The following CHST2 variants were observed in gnomAD, a reference collection of about 807,000 sequenced individuals.
CHST2 encodes N-acetylglucosamine 6-O-sulfotransferase 1.
In CHST2, 23 loss-of-function variants were observed where a neutral mutation model predicts 34.6. That is an observed-to-expected ratio of 0.67 (90% CI 0.48 to 0.94). The LOEUF (loss-of-function observed/expected upper bound fraction) is 0.94. Among genes scored for constraint, CHST2 ranks in the 40% least tolerant of loss-of-function variants. The pLI is 0.00. For synonymous variants in CHST2, 392 were observed against 343.1 expected (o/e 1.14, Z -1.58); for missense variants, 720 against 759.5 (o/e 0.95, Z 0.61).
Position 143,123,962 on chromosome 3 carries a change from C to G in CHST2, c.*1553C>G, listed in dbSNP as rs189064879. The G allele has an allele frequency of 3.2e-4, 49 of 152,292 alleles. No individual in the cohort carries two copies. Among genetic ancestry groups the G allele is most frequent in the African/African-American group, 1.1e-3 (47 of 41,550 alleles). The allele number at this position is 152,292 out of a possible 1,614,324, so 9.4% of individuals were successfully genotyped here. On this transcript the variant is annotated 3_prime_UTR_variant, in exon 2 of 2. Transcript: ENST00000309575. The stretch of plus-strand genomic sequence containing the variant: ...AGAAATTGTGAAGCCCAAATGGGAA[C>G]AAGAGACAGTGTAGTTGTATATGAC...
In CHST2 at chr3:143,121,353, C is replaced by G; in HGVS notation, c.537C>G (p.Phe179Leu). 1 of 1,613,630 alleles carries G rather than the reference C, an allele frequency of 6.2e-7. No individual in the cohort carries two copies. The highest frequency in any genetic ancestry group is 8.5e-7 in the Non-Finnish European group (1 of 1,180,022). The change falls in exon 2 of 2, where the codon TTC becomes TTG. Residue 179 changes from phenylalanine to leucine, a missense_variant. Physicochemically the swap from Phe to Leu is conservative, Grantham distance 22. This residue lies in a region of CHST2 where 43 missense variants were observed against 77.6 expected (regional missense o/e 0.55). Transcript: ENST00000309575. Reference protein sequence around the residue: ...VFTTWRSGSSFFGELFNQNPE... With the variant: ...VFTTWRSGSSLFGELFNQNPE... ...CCACGTGGCGCTCTGGCTCGTCGTT[C>G]TTCGGCGAGCTATTCAACCAGAATC...
rs1936189187 is a variant in CHST2, at chr3:143,120,357, C to T, written c.-358C>T. On this transcript the variant is annotated 5_prime_UTR_variant, in exon 1 of 2. Transcript: ENST00000309575. The surrounding 1 kb of genome is among the most constrained non-coding windows in gnomAD (Gnocchi z 4.1). ...CTGGGCCGCGTGAAAGTTTTTCTTC[C>T]CGAGCCGCAGGGCGCCCGCTGCCCG... 1 of 152,990 alleles carries T rather than the reference C, an allele frequency of 6.5e-6. No homozygotes were observed. Among genetic ancestry groups the T allele is most frequent in the East Asian group, 1.9e-4 (1 of 5,202 alleles). 9.5% of individuals were successfully genotyped at this position (152,990 alleles called of 1,614,324 possible).
rs779200403 is a variant in CHST2, at chr3:143,121,706, A to G, written c.890A>G (p.Lys297Arg). Residue 297 changes from lysine (K) to arginine (R), a missense_variant, in exon 2 of 2, where the codon AAG becomes AGG. Transcript: ENST00000309575. Reference protein sequence around the residue: ...RLARFEEECRKYRTLVIKGVR... With the variant: ...RLARFEEECRRYRTLVIKGVR... ...GCGCGTTTCGAGGAGGAGTGCCGCAAGTACCGCACACTAGTCATAAAGGGT... is the reference window on the plus strand; with the variant it reads ...GCGCGTTTCGAGGAGGAGTGCCGCAGGTACCGCACACTAGTCATAAAGGGT... 1.3e-6 allele frequency: 2 copies of G among 1,585,146 alleles called. No homozygotes were observed. The highest frequency in any genetic ancestry group is 1.7e-6 in the Non-Finnish European group (2 of 1,162,610).
chr3:143,121,959 G>A lies in CHST2; in HGVS notation c.1143G>A (p.Glu381=). ...GCCACAAGCTTGGCGCCAAGAAGGA[G>A]GGCGTGGGCGGCCCCGCAGACTACC... ...AAGHKLGAKK[E]GVGGPADYHA... Residue 381 remains glutamate (E), a synonymous_variant, in exon 2 of 2, where the codon GAG becomes GAA. Coordinates refer to ENST00000309575, the MANE Select transcript of CHST2 (RefSeq NM_004267.5). 6.3e-7 allele frequency: 1 copy of A among 1,584,312 alleles called. No individual in the cohort carries two copies. The highest frequency in any genetic ancestry group is 1.1e-5 in the South Asian group (1 of 87,248).
chr3:143,122,218 C>G lies in CHST2; in HGVS notation c.1402C>G (p.Pro468Ala), dbSNP rs757610184. ...CAGTGGCTCGGGCTCCTCCTCCAAG[C>G]CTTTCGTGGTATCTGCACGCAATGC... ...MTSGSGSSSK[P>A]FVVSARNATQ... Residue 468 changes from proline (P) to alanine (A), a missense_variant, in exon 2 of 2, where the codon CCT becomes GCT. Pro to Ala is a conservative substitution (Grantham distance 27). Coordinates refer to ENST00000309575, the MANE Select transcript of CHST2 (RefSeq NM_004267.5). The G allele has an allele frequency of 6.2e-7, 1 of 1,614,084 alleles. No homozygotes were observed. Among genetic ancestry groups the G allele is most frequent in the Non-Finnish European group, 8.5e-7 (1 of 1,179,986 alleles).
At position 143,122,202 on chromosome 3, in the gene CHST2, G is replaced by A; in HGVS notation, c.1386G>A (p.Ser462=). 1.9e-6 allele frequency: 3 copies of A among 1,612,862 alleles called. No homozygotes were observed. Among genetic ancestry groups the A allele is most frequent in the Non-Finnish European group, 1.7e-6 (2 of 1,179,832 alleles). ...TTGCCCTGAACATGACCAGTGGCTCGGGCTCCTCCTCCAAGCCTTTCGTGG... is the reference window on the plus strand; with the variant it reads ...TTGCCCTGAACATGACCAGTGGCTCAGGCTCCTCCTCCAAGCCTTTCGTGG... ...EQFALNMTSG[S]GSSSKPFVVS... is the part of the protein sequence containing the mutation. Residue 462 remains serine, a synonymous_variant, in exon 2 of 2, where the codon TCG becomes TCA. Coordinates refer to ENST00000309575, the MANE Select transcript of CHST2 (RefSeq NM_004267.5).
In CHST2 at chr3:143,122,517, TA is replaced by T. The variant is rs1412863385; in HGVS notation, c.*109del. The T allele has an allele frequency of 1.6e-5, 17 of 1,076,302 alleles. No homozygotes were observed. The Admixed American group carries it at 1.6e-4, about 10-fold the overall frequency. 66.7% of individuals were successfully genotyped at this position (1,076,302 alleles called of 1,614,324 possible). A position where few individuals can be genotyped will look rare whatever the true frequency, so the allele number is the denominator to read the frequency against. ...TCAAACGGAGGAAGCCCACATATTCTATTATAGATATATAAATAATCACACA... is the reference window on the plus strand; with the variant it reads ...TCAAACGGAGGAAGCCCACATATTCTTTATAGATATATAAATAATCACACA... On this transcript the variant is annotated 3_prime_UTR_variant, in exon 2 of 2. Transcript: ENST00000309575.
At position 143,120,864 on chromosome 3, in the gene CHST2, G is replaced by T; in HGVS notation, c.48G>T (p.Arg16=). 1 of 1,380,648 alleles carries T rather than the reference G, an allele frequency of 7.2e-7. No individual in the cohort carries two copies. 85.5% of individuals were successfully genotyped at this position (1,380,648 alleles called of 1,614,324 possible). ...QRALPPGALP[R]LLQAAPAAAP... ...CTCTGCCCCCGGGCGCGCTCCCTCG[G>T]CTGCTCCAGGCTGCGCCTGCAGCCG... Residue 16 remains arginine (R), a synonymous_variant, in exon 2 of 2, where the codon CGG becomes CGT. Transcript: ENST00000309575. This position sits in a 1 kb window ranked among gnomAD's most constrained non-coding sequence, Gnocchi z 4.1.
Position 143,122,503 on chromosome 3 carries a change from A to T in CHST2, c.*94A>T. The T allele has an allele frequency of 8.1e-7, 1 of 1,227,958 alleles. No individual in the cohort carries two copies. Among genetic ancestry groups the T allele is most frequent in the East Asian group, 2.6e-5 (1 of 38,538 alleles). 76.1% of individuals were successfully genotyped at this position (1,227,958 alleles called of 1,614,324 possible). On this transcript the variant is annotated 3_prime_UTR_variant, in exon 2 of 2. Coordinates refer to ENST00000309575, the MANE Select transcript of CHST2 (RefSeq NM_004267.5). Reference sequence around the variant, plus strand: ...AACACAGTCCAGACTCAAACGGAGGAAGCCCACATATTCTATTATAGATAT... The same window carrying T: ...AACACAGTCCAGACTCAAACGGAGGTAGCCCACATATTCTATTATAGATAT...
In CHST2 at chr3:143,122,720, G is replaced by C. The variant is rs75421180; in HGVS notation, c.*311G>C. The C allele has an allele frequency of 0.014, 3,427 of 244,492 alleles. 116 individuals carry two copies. Among genetic ancestry groups the C allele is most frequent in the African/African-American group, 0.071 (3,171 of 44,376 alleles). 15.1% of individuals were successfully genotyped at this position (244,492 alleles called of 1,614,324 possible). On this transcript the variant is annotated 3_prime_UTR_variant, in exon 2 of 2. Transcript: ENST00000309575. Reference sequence around the variant, plus strand: ...TCCTCCACCTGCCTTCCATTTTGAAGTGGGATGTTAATGAAATCAAGTTCC... The same window carrying C: ...TCCTCCACCTGCCTTCCATTTTGAACTGGGATGTTAATGAAATCAAGTTCC...
Position 143,120,422 on chromosome 3 carries a change from C to T in CHST2, c.-293C>T, listed in dbSNP as rs1268538396. 2 of 158,210 alleles carry T rather than the reference C, an allele frequency of 1.3e-5. No homozygotes were observed. Among genetic ancestry groups the T allele is most frequent in the African/African-American group, 4.8e-5 (2 of 41,740 alleles). The allele number at this position is 158,210 out of a possible 1,614,324, so 9.8% of individuals were successfully genotyped here. A position where few individuals can be genotyped will look rare whatever the true frequency, so the allele number is the denominator to read the frequency against. On this transcript the variant is annotated 5_prime_UTR_variant, in exon 1 of 2. Coordinates refer to ENST00000309575, the MANE Select transcript of CHST2 (RefSeq NM_004267.5). The surrounding 1 kb of genome is among the most constrained non-coding windows in gnomAD (Gnocchi z 4.1). ...ATAAGTCGGCCGACTCCCCAGACCC[C>T]TCGAAGGTGCGGGGACCCCCAGCGG...
chr3:143,120,892 C>T lies in CHST2; in HGVS notation c.76C>T (p.Pro26Ser). The T allele has an allele frequency of 6.7e-7, 1 of 1,486,468 alleles. No individual in the cohort carries two copies. The highest frequency in any genetic ancestry group is 8.9e-7 in the Non-Finnish European group (1 of 1,119,752). 92.1% of individuals were successfully genotyped at this position (1,486,468 alleles called of 1,614,324 possible). Reference sequence around the variant, plus strand: ...GCTCCAGGCTGCGCCTGCAGCCGCGCCGCGTGCCCTGCTCCCGCAGTGGCC... The same window carrying T: ...GCTCCAGGCTGCGCCTGCAGCCGCGTCGCGTGCCCTGCTCCCGCAGTGGCC... ...RLLQAAPAAA[P>S]RALLPQWPRR... The change falls in exon 2 of 2, where the codon CCG (proline) becomes TCG (serine). Residue 26 changes from proline (P) to serine (S), a missense_variant. Physicochemically the swap from Pro to Ser is moderately conservative, Grantham distance 74 (BLOSUM62 -1). Coordinates refer to ENST00000309575, the MANE Select transcript of CHST2 (RefSeq NM_004267.5). This position sits in a 1 kb window ranked among gnomAD's most constrained non-coding sequence, Gnocchi z 4.1.
In CHST2 at chr3:143,122,385, C is replaced by T. The variant is rs776513094; in HGVS notation, c.1569C>T (p.Thr523=). Residue 523 remains threonine (T), a synonymous_variant, in exon 2 of 2, where the codon ACC becomes ACT. Transcript: ENST00000309575. ...AGGAGGTCAAAGACCTCAGCAAGAC[C>T]CTGCTTCGGAAGCCCCGTCTCTAAA... The part of the protein sequence containing the change: ...SPEEVKDLSK[T]LLRKPRL 3 of 1,601,990 alleles carry T rather than the reference C, an allele frequency of 1.9e-6. No homozygotes were observed. Among genetic ancestry groups the T allele is most frequent in the Non-Finnish European group, 2.6e-6 (3 of 1,174,614 alleles).
Position 143,122,688 on chromosome 3 carries a change from T to G in CHST2, c.*279T>G. 2 of 301,868 alleles carry G rather than the reference T, an allele frequency of 6.6e-6. No homozygotes were observed. Among genetic ancestry groups the G allele is most frequent in the East Asian group, 6.1e-5 (1 of 16,462 alleles). 18.7% of individuals were successfully genotyped at this position (301,868 alleles called of 1,614,324 possible). ...CTCTTGTCCTCTTTCTCCTATTTCT[T>G]ACCCTGTCCTCCACCTGCCTTCCAT... On this transcript the variant is annotated 3_prime_UTR_variant, in exon 2 of 2. Transcript: ENST00000309575.
rs1936177383 is a variant in CHST2, at chr3:143,119,806, C to G, written c.-909C>G. Reference sequence around the variant, plus strand: ...GTCCGAGCGCGTTGCGGGCGCCCGGCGTAAGGGGAGTCGGGTAGCAGCATC... The same window carrying G: ...GTCCGAGCGCGTTGCGGGCGCCCGGGGTAAGGGGAGTCGGGTAGCAGCATC... On this transcript the variant is annotated 5_prime_UTR_variant, in exon 1 of 2. Transcript: ENST00000309575. 1 of 152,182 alleles carries G rather than the reference C, an allele frequency of 6.6e-6. No individual in the cohort carries two copies. The highest frequency in any genetic ancestry group is 2.4e-5 in the African/African-American group (1 of 41,428). The allele number at this position is 152,182 out of a possible 1,614,324, so 9.4% of individuals were successfully genotyped here.
At position 143,121,033 on chromosome 3, in the gene CHST2, C is replaced by T. The variant is rs2108351183; in HGVS notation, c.217C>T (p.Leu73Phe). The change falls in exon 2 of 2, where the codon CTC (leucine) becomes TTC (phenylalanine). Residue 73 changes from leucine (L) to phenylalanine (F), a missense_variant. Around this residue, in one of 4 missense-constraint regions of CHST2, gnomAD observed 287 missense variants for 242.7 expected, o/e 1.18. Transcript: ENST00000309575. ...ALLLVLTMLN[L>F]LDYKWHKEPL... ...GCTGCTGGTGCTCACTATGCTCAAC[C>T]TCCTGGACTACAAGTGGCACAAGGA... is the stretch of plus-strand genomic sequence containing the variant. 1.3e-6 allele frequency: 2 copies of T among 1,530,068 alleles called. No individual in the cohort carries two copies. Among genetic ancestry groups the T allele is most frequent in the Admixed American group, 2.1e-5 (1 of 48,638 alleles). The allele number at this position is 1,530,068 out of a possible 1,614,324, so 94.8% of individuals were successfully genotyped here.
rs926751419 is a variant in CHST2, at chr3:143,122,401, C to A, written c.1585C>A (p.Arg529Ser). ...DLSKTLLRKP[R>S]L is the part of the protein sequence containing the mutation. ...CAGCAAGACCCTGCTTCGGAAGCCCCGTCTCTAAAAGGGGTTCCCAGGAGA... is the reference window on the plus strand; with the variant it reads ...CAGCAAGACCCTGCTTCGGAAGCCCAGTCTCTAAAAGGGGTTCCCAGGAGA... Residue 529 changes from arginine to serine, a missense_variant, in exon 2 of 2, where the codon CGT (arginine) becomes AGT (serine). Coordinates refer to ENST00000309575, the MANE Select transcript of CHST2 (RefSeq NM_004267.5). The A allele has an allele frequency of 4.4e-6, 7 of 1,590,376 alleles. No homozygotes were observed. The South Asian group carries it at 4.6e-5, about 10-fold the overall frequency.
At position 143,121,153 on chromosome 3, in the gene CHST2, C is replaced by A. The variant is rs1259513533; in HGVS notation, c.337C>A (p.Pro113Thr). The change falls in exon 2 of 2, where the codon CCG becomes ACG. Residue 113 changes from proline to threonine, a missense_variant. Physicochemically the swap from Pro to Thr is conservative, Grantham distance 38. Coordinates refer to ENST00000309575, the MANE Select transcript of CHST2 (RefSeq NM_004267.5). ...GCGCCCAGGGCCGCCTCCGGCCGGG[C>A]CGCCCCGTGCTCATGCCCGTTTGGA... Reference protein sequence around the residue: ...WGRPGPPPAGPPRAHARLDLR... With the variant: ...WGRPGPPPAGTPRAHARLDLR... 6.9e-7 allele frequency: 1 copy of A among 1,453,960 alleles called. No homozygotes were observed. The highest frequency in any genetic ancestry group is 9.0e-7 in the Non-Finnish European group (1 of 1,115,690). 90.1% of individuals were successfully genotyped at this position (1,453,960 alleles called of 1,614,324 possible). A position where few individuals can be genotyped will look rare whatever the true frequency, so the allele number is the denominator to read the frequency against.
In CHST2 at chr3:143,120,005, C is replaced by A. The variant is rs765674257; in HGVS notation, c.-710C>A. On this transcript the variant is annotated 5_prime_UTR_variant, in exon 1 of 2. Transcript: ENST00000309575. The surrounding 1 kb of genome is among the most constrained non-coding windows in gnomAD (Gnocchi z 4.1). ...TGTGTTCGGGGTCCTTTGGTCCAGT[C>A]GGAGGCTGCGGAGCGGCGGGGGTTG... 6.6e-6 allele frequency: 1 copy of A among 152,526 alleles called. No homozygotes were observed. Among genetic ancestry groups the A allele is most frequent in the Non-Finnish European group, 1.5e-5 (1 of 68,594 alleles). The allele number at this position is 152,526 out of a possible 1,614,324, so 9.4% of individuals were successfully genotyped here.
Sources: gnomAD v4.1 joint callset for allele counts on GRCh38, gnomAD v4.1.1 for gene constraint, gnomAD v4.1.1 regional missense constraint, Gnocchi (gnomAD v3.1) non-coding constraint, MANE v1.5 for transcripts, NCBI Gene and HGNC (gene_info 2026-07-23, HGNC 2026-07-21) for gene names.